BMPR1B: variants seen among roughly 807,000 people sequenced by gnomAD.
BMPR1B encodes bone morphogenetic protein receptor type 1B, also known as bone morphogenetic protein receptor type-1B.
BMPR1B carries 12 observed loss-of-function variants against 59.1 expected under a neutral mutation model. The ratio of observed to expected loss-of-function variants is 0.20; its 90% confidence interval spans 0.13 to 0.33. BMPR1B has a LOEUF of 0.33. BMPR1B is among the 10% of genes least tolerant of loss of function. The pLI is 1.00. For missense variants in BMPR1B, 550 were observed against 610.9 expected, an observed-to-expected ratio of 0.90 and a Z score of 1.05; for synonymous variants, 237 against 207.3, an observed-to-expected ratio of 1.14 and a Z score of -1.23.
chr4:94,810,541 T>C (rs1476131841), intron 1 of BMPR1B, among the ~76,000 whole-genome samples: 1 of 152,188 alleles, frequency 6.6e-6, no homozygotes, highest in African/African-American at 2.4e-5. Context: ...ACAGCAAGAT[T>C]GGGATGTGAG....
intron 11 of BMPR1B, 89 bp downstream of exon 11, chr4:95,149,012 C>T: frequency 2.0e-6 from 3 of 1,505,248 alleles, no homozygotes; most frequent in Non-Finnish European, 2.8e-6. Context: ...ATCATACTGT[C>T]TATAAGATCT....
intron 1 of BMPR1B, among the ~76,000 whole-genome samples, chr4:94,794,309 G>A (rs1486488475): frequency 1.3e-5 from 2 of 151,356 alleles, no homozygotes; most frequent in African/African-American, 4.9e-5. Flanking sequence ...TCTCAGGTTT[G>A]TCAAAGATCA....
At chr4:94,833,447 T>C (rs1475087868) in intron 1 of BMPR1B, among the ~76,000 whole-genome samples, 1 of 152,240 alleles carries the variant, frequency 6.6e-6, no homozygotes, top group Admixed American at 6.5e-5. Flanking sequence ...CCACACTTTT[T>C]TCTTTTCCTG....
At chr4:94,991,070 A>G (rs1444922) in intron 2 of BMPR1B, among the ~76,000 whole-genome samples, 66,812 of 151,930 alleles carry the variant, frequency 0.44, 15,178 homozygotes, top group East Asian at 0.73. Flanking sequence ...TGAATGTTGT[A>G]TGTAATGGCC....
chr4:94,985,521 G>GTGTGTGTGTGTT (rs1721344421), intron 2 of BMPR1B, among the ~76,000 whole-genome samples: 2 of 40,964 alleles, frequency 4.9e-5, no homozygotes. Flanking sequence ...GTGTGTGTGT[G>GTGTGTGTGTGTT]TGTGTGTGTG....
intron 3 of BMPR1B, among the ~76,000 whole-genome samples, chr4:95,016,011 A>C (rs529235751): frequency 6.6e-6 from 1 of 152,296 alleles, no homozygotes; most frequent in Non-Finnish European, 1.5e-5. Context: ...TTAAATTGAA[A>C]ATATGACAGA....
intron 6 of BMPR1B, among the ~76,000 whole-genome samples, chr4:95,119,117 G>A (rs1732284464): frequency 2.0e-5 from 3 of 152,164 alleles, no homozygotes; most frequent in Non-Finnish European, 4.4e-5. Context: ...AAAGTATTAT[G>A]TGTTCATATA....
At chr4:94,917,516 C>A (rs1464457263) in intron 2 of BMPR1B, among the ~76,000 whole-genome samples, 5 of 152,212 alleles carry the variant, frequency 3.3e-5, no homozygotes, top group Non-Finnish European at 7.3e-5. Flanking sequence ...AACGACTGCC[C>A]TGCTGGGTTT....
intron 3 of BMPR1B, among the ~76,000 whole-genome samples, chr4:95,099,132 A>G (rs1357855536): frequency 6.6e-6 from 1 of 152,196 alleles, no homozygotes; most frequent in Non-Finnish European, 1.5e-5. Context: ...ACACATGAAA[A>G]CATGGTGAGC....
At chr4:94,980,457 T>G (rs573672813) in intron 2 of BMPR1B, among the ~76,000 whole-genome samples, 1 of 152,242 alleles carries the variant, frequency 6.6e-6, no homozygotes, top group Admixed American at 6.5e-5. Flanking sequence ...GAAAAAAAAT[T>G]GATTCCCAGC....
At chr4:94,850,821 A>G (rs559511649) in intron 1 of BMPR1B, among the ~76,000 whole-genome samples, 6 of 152,202 alleles carry the variant, frequency 3.9e-5, no homozygotes, top group South Asian at 4.2e-4. Flanking sequence ...TTGTTCTTGT[A>G]TCTTAAATCT....
intron 1 of BMPR1B, among the ~76,000 whole-genome samples, chr4:94,800,876 G>A (rs569444082): frequency 2.6e-5 from 4 of 152,284 alleles, no homozygotes; most frequent in African/African-American, 9.6e-5. Flanking sequence ...TGTTTAGAAA[G>A]CAGTGTAAAA....
intron 3 of BMPR1B, among the ~76,000 whole-genome samples, chr4:95,038,239 G>A (rs993938137): frequency 1.3e-5 from 2 of 152,120 alleles, no homozygotes; most frequent in Non-Finnish European, 2.9e-5. Context: ...GGAACAGGAT[G>A]AAGAAGGGGG....
Position 94,956,444 on chromosome 4 carries a change from A to T in BMPR1B, c.-112-39596A>T, listed in dbSNP as rs60429514. ...AAGATAAGAGGCTTTTATGTTTTGG[A>T]ATGTGGGGTAGCTTATTTTAACCTT... On this transcript the variant is annotated intron_variant, in intron 2 of 12. Coordinates refer to ENST00000515059, the MANE Select transcript of BMPR1B (RefSeq NM_001203.3). Among the ~76,000 whole-genome samples, 613 of 152,250 alleles carry T rather than the reference A, an allele frequency of 4.0e-3. 7 individuals are homozygous for T. Among genetic ancestry groups the T allele is most frequent in the African/African-American group, 0.014 (574 of 41,546 alleles).
chr4:94,841,687 C>T (rs1229547930), intron 1 of BMPR1B, among the ~76,000 whole-genome samples: 2 of 152,142 alleles, frequency 1.3e-5, no homozygotes, highest in Non-Finnish European at 2.9e-5. Context: ...GAACCCGGTA[C>T]CTCAGATGGA....
chr4:94,877,005 ACT>A (rs1259556285), intron 2 of BMPR1B, among the ~76,000 whole-genome samples: 4 of 152,162 alleles, frequency 2.6e-5, no homozygotes, highest in Admixed American at 2.0e-4. Flanking sequence ...GAAATAATGT[ACT>A]TTACAAGTAT....
chr4:95,058,158 C>T (rs1042903049), intron 3 of BMPR1B, among the ~76,000 whole-genome samples: 7 of 152,150 alleles, frequency 4.6e-5, no homozygotes, highest in African/African-American at 1.7e-4. Context: ...AAGAACATCT[C>T]ATAAATTTTG....
chr4:94,863,678 A>G (rs1726091179), intron 1 of BMPR1B, among the ~76,000 whole-genome samples: 1 of 152,140 alleles, frequency 6.6e-6, no homozygotes, highest in Admixed American at 6.6e-5. Context: ...GATTTTTCTT[A>G]AGTTCTAGGC....
At chr4:95,057,384 A>G (rs1727009397) in intron 3 of BMPR1B, among the ~76,000 whole-genome samples, 1 of 152,110 alleles carries the variant, frequency 6.6e-6, no homozygotes, top group South Asian at 2.1e-4. Context: ...CGCTGGGACT[A>G]CAGGCACACG....
Sources: allele counts gnomAD v4.1 joint callset (sites outside exome capture counted in the v4.1 genomes callset), GRCh38; gene constraint gnomAD v4.1.1; transcripts MANE v1.5; gene names NCBI Gene and HGNC (gene_info 2026-07-23, HGNC 2026-07-21).